The following RNLS variants were observed in gnomAD, a reference collection of about 807,000 sequenced individuals.
The protein encoded by RNLS is renalase.
Under a neutral mutation model 39.8 loss-of-function variants are expected in RNLS, and 39 were observed. The observed-to-expected ratio is 0.98, with a 90% CI of 0.76 to 1.28. The LOEUF (loss-of-function observed/expected upper bound fraction) is 1.28. RNLS is among the 50% of genes most tolerant of loss of function. The probability of loss-of-function intolerance (pLI) is 0.00; values close to 1 mark genes in which losing one functional copy is unlikely to be tolerated. For missense variants in RNLS, 410 were observed against 413.3 expected, an observed-to-expected ratio of 0.99 and a Z score of 0.07; for synonymous variants, 147 against 150.7, an observed-to-expected ratio of 0.98 and a Z score of 0.18.
chr10:88,255,988 A>G, the RNLS span, among the ~76,000 whole-genome samples: 1 of 152,218 alleles, frequency 6.6e-6, no homozygotes, highest in Non-Finnish European at 1.5e-5. Context: ...GGATGGGTAC[A>G]CTGGAGCACA....
At chr10:88,341,329 CAAAAAAAAA>C (rs755002114) in intron 5 of RNLS, among the ~76,000 whole-genome samples, 15 of 50,698 alleles carry the variant, frequency 3.0e-4, no homozygotes, top group African/African-American at 1.1e-3. Flanking sequence ...AACTCCATCT[CAAAAAAAAA>C]AAAAAAAAAA....
At chr10:88,471,725 G>A (rs1464587882) in intron 4 of RNLS, among the ~76,000 whole-genome samples, 1 of 152,174 alleles carries the variant, frequency 6.6e-6, no homozygotes, top group Non-Finnish European at 1.5e-5. Flanking sequence ...ATGTTTGGAA[G>A]TCCAGAAGAA....
intron 5 of RNLS, among the ~76,000 whole-genome samples, chr10:88,322,753 T>G (rs1846277920): frequency 6.6e-6 from 1 of 152,178 alleles, no homozygotes; most frequent in South Asian, 2.1e-4. Flanking sequence ...TCATTTCTCC[T>G]ATTCAACATA....
At chr10:88,207,589 T>C in the RNLS span, among the ~76,000 whole-genome samples, 10 of 152,148 alleles carry the variant, frequency 6.6e-5, no homozygotes, top group Non-Finnish European at 1.0e-4. Context: ...AAGAATCTTT[T>C]AAAAAGAGAA....
At chr10:88,446,715 G>T (rs1462197999) in intron 4 of RNLS, among the ~76,000 whole-genome samples, 1 of 152,048 alleles carries the variant, frequency 6.6e-6, no homozygotes, top group Non-Finnish European at 1.5e-5. Context: ...AACAAAAGAA[G>T]AGAATTTTAG....
At chr10:88,223,052 T>C in the RNLS span, among the ~76,000 whole-genome samples, 1 of 152,250 alleles carries the variant, frequency 6.6e-6, no homozygotes, top group Non-Finnish European at 1.5e-5. Flanking sequence ...CACCCCTATA[T>C]GATTAATGAG....
intron 4 of RNLS, among the ~76,000 whole-genome samples, chr10:88,509,296 G>A (rs1300493287): frequency 3.3e-5 from 5 of 152,102 alleles, no homozygotes; most frequent in Admixed American, 3.3e-4. Flanking sequence ...GGACAGAATT[G>A]CACTTGTCTG....
At chr10:88,419,744 C>A (rs2133750090) in intron 4 of RNLS, among the ~76,000 whole-genome samples, 1 of 152,254 alleles carries the variant, frequency 6.6e-6, no homozygotes, top group East Asian at 1.9e-4. Flanking sequence ...GTGGCTCACG[C>A]CTGTAATACC....
chr10:88,542,842 G>A (rs1848118759), intron 4 of RNLS, among the ~76,000 whole-genome samples: 1 of 152,052 alleles, frequency 6.6e-6, no homozygotes, highest in Non-Finnish European at 1.5e-5. Flanking sequence ...AAGATAAGCA[G>A]CATCTCCAAC....
At chr10:88,381,787 G>A (rs1312280009) in intron 4 of RNLS, among the ~76,000 whole-genome samples, 1 of 151,504 alleles carries the variant, frequency 6.6e-6, no homozygotes, top group Non-Finnish European at 1.5e-5. Context: ...ACCTAGAACA[G>A]GGGTTGGTAA....
chr10:88,312,480 A>C (rs115061283), intron 6 of RNLS, among the ~76,000 whole-genome samples: 2,160 of 152,314 alleles, frequency 0.014, 44 homozygotes, highest in African/African-American at 0.05. Flanking sequence ...GTTGTTTCCC[A>C]CTACCAAGTT....
At chr10:88,500,469 G>A (rs902343300) in intron 4 of RNLS, among the ~76,000 whole-genome samples, 1 of 152,138 alleles carries the variant, frequency 6.6e-6, no homozygotes, top group Non-Finnish European at 1.5e-5. Flanking sequence ...TTAGGAACAC[G>A]TGATGGGGTT....
At chr10:88,312,732 T>C (rs1443711989) in intron 6 of RNLS, among the ~76,000 whole-genome samples, 1 of 152,182 alleles carries the variant, frequency 6.6e-6, no homozygotes, top group Admixed American at 6.5e-5. Flanking sequence ...TACCACTAGA[T>C]ACATTTTTAA....
intron 5 of RNLS, among the ~76,000 whole-genome samples, chr10:88,331,940 A>C (rs927771887): frequency 6.6e-6 from 1 of 152,178 alleles, no homozygotes; most frequent in African/African-American, 2.4e-5. Flanking sequence ...GAAAGATGGG[A>C]AAGGGAGGCT....
At chr10:88,308,803 A>G (rs1845130986) in intron 6 of RNLS, among the ~76,000 whole-genome samples, 1 of 152,202 alleles carries the variant, frequency 6.6e-6, no homozygotes, top group Admixed American at 6.5e-5. Context: ...TTGTTCTATT[A>G]TAAGATACAT....
intron 5 of RNLS, among the ~76,000 whole-genome samples, chr10:88,348,576 C>T (rs1451820198): frequency 6.6e-6 from 1 of 152,148 alleles, no homozygotes. Flanking sequence ...GTAATTTGGA[C>T]TTGTTTATAG....
At chr10:88,487,607 T>C (rs1844610274) in intron 4 of RNLS, among the ~76,000 whole-genome samples, 1 of 152,038 alleles carries the variant, frequency 6.6e-6, no homozygotes, top group Non-Finnish European at 1.5e-5. Context: ...GTGGAGAAAA[T>C]GGAACTCTCA....
At chr10:88,515,911 T>C (rs1328163172) in intron 4 of RNLS, among the ~76,000 whole-genome samples, 1 of 151,996 alleles carries the variant, frequency 6.6e-6, no homozygotes, top group Non-Finnish European at 1.5e-5. Flanking sequence ...AGAAAGGTGA[T>C]TAGGATAAAG....
chr10:88,412,711 G>A (rs1026878537), intron 4 of RNLS, among the ~76,000 whole-genome samples: 4 of 152,212 alleles, frequency 2.6e-5, no homozygotes, highest in Admixed American at 6.6e-5. Context: ...GAGATGATGT[G>A]TAAACCTTAA....
Sources: allele counts gnomAD v4.1 joint callset (sites outside exome capture counted in the v4.1 genomes callset), GRCh38; gene constraint gnomAD v4.1.1; transcripts MANE v1.5; gene names NCBI Gene and HGNC (gene_info 2026-07-23, HGNC 2026-07-21).